The following SLC66A2 variants were observed in gnomAD, a reference collection of about 807,000 sequenced individuals.
The protein encoded by SLC66A2 is solute carrier family 66 member 2, also known as PQ loop repeat containing 1.
In SLC66A2, 23 loss-of-function variants were observed where a neutral mutation model predicts 25.5. That is an observed-to-expected ratio of 0.90 (90% CI 0.65 to 1.28). The LOEUF (loss-of-function observed/expected upper bound fraction) is 1.28. Among genes scored for constraint, SLC66A2 ranks in the 50% most tolerant of loss-of-function variants. The pLI, the probability that SLC66A2 is intolerant of heterozygous loss-of-function variation, is 0.00. For missense variants in SLC66A2, 396 were observed against 373.1 expected (o/e 1.06, Z -0.51); for synonymous variants, 193 against 166.5 (o/e 1.16, Z -1.23).
intron 5 of SLC66A2, among the ~76,000 whole-genome samples, chr18:79,910,342 TTCCCCACCACCTCACCAGAGTCC>T (rs1982907344): frequency 1.5e-5 from 1 of 67,746 alleles, no homozygotes; most frequent in East Asian, 5.0e-4. Flanking sequence ...GTCCCCAACC[TTCCCCACCACCTCACCAGAGTCC>T]CCAACCTTCC....
intron 2 of SLC66A2, chr18:79,949,882 C>A (rs548025011): frequency 6.6e-6 from 1 of 152,332 alleles, no homozygotes; most frequent in South Asian, 2.1e-4. Flanking sequence ...CGTTTTTGGC[C>A]TTAGAATGCA....
intron 5 of SLC66A2, among the ~76,000 whole-genome samples, chr18:79,916,557 C>G (rs1383652627): frequency 6.6e-6 from 1 of 152,246 alleles, no homozygotes; most frequent in Non-Finnish European, 1.5e-5. Flanking sequence ...CATTTCAACA[C>G]CATTGTCCAT....
In SLC66A2 at chr18:79,918,882, C is replaced by T. The variant is rs1048566893; in HGVS notation, c.608+302G>A. Among the ~76,000 whole-genome samples, 2 of 152,222 alleles carry T rather than the reference C, an allele frequency of 1.3e-5. No individual in the cohort carries two copies. The highest frequency in any genetic ancestry group is 6.5e-5 in the Admixed American group (1 of 15,284). ...TGGTTGCCCTGCACTCCTCCTGCCC[C>T]GTCTGGCCAGGCACTCGGACATCCC... On this transcript the variant is annotated intron_variant, in intron 5 of 5. Transcript: ENST00000397778. This position sits in a 1 kb window ranked among gnomAD's most constrained non-coding sequence, Gnocchi z 4.0.
At position 79,904,330 on chromosome 18, in the gene SLC66A2, A is replaced by T; in HGVS notation, c.609-147T>A. Reference sequence around the variant, plus strand: ...GGGGACCCCCAGGCAGTCGGCGGGGAGGCCTGGGGCTCAGGGGGCACCCAG... The same window carrying T: ...GGGGACCCCCAGGCAGTCGGCGGGGTGGCCTGGGGCTCAGGGGGCACCCAG... On this transcript the variant is annotated intron_variant, in intron 5 of 5. Transcript: ENST00000397778. This position sits in a 1 kb window ranked among gnomAD's most constrained non-coding sequence, Gnocchi z 6.3. 2.8e-6 allele frequency: 2 copies of T among 720,856 alleles called. No homozygotes were observed. The highest frequency in any genetic ancestry group is 4.8e-6 in the Non-Finnish European group (2 of 418,256). The allele number at this position is 720,856 out of a possible 1,614,324, so 44.7% of individuals were successfully genotyped here.
Position 79,937,953 on chromosome 18 carries a change from G to C in SLC66A2, c.338-3931C>G, listed in dbSNP as rs1409408687. Among the ~76,000 whole-genome samples the C allele has an allele frequency of 6.6e-6, 1 of 152,110 alleles. No individual in the cohort carries two copies. Among genetic ancestry groups the C allele is most frequent in the Non-Finnish European group, 1.5e-5 (1 of 68,008 alleles). ...CACGGGCAAAGTTGAGAGGAGCTAA[G>C]GGAGAACCCACGGATTTTTAAACAA... On this transcript the variant is annotated intron_variant, in intron 3 of 5. Coordinates refer to ENST00000397778, the MANE Select transcript of SLC66A2 (RefSeq NM_025078.5). This position sits in a 1 kb window ranked among gnomAD's most constrained non-coding sequence, Gnocchi z 5.4.
chr18:79,907,395 A>T (rs1422321626), intron 5 of SLC66A2, among the ~76,000 whole-genome samples: 3 of 120,114 alleles, frequency 2.5e-5, no homozygotes, highest in Non-Finnish European at 4.8e-5. Context: ...TCTGTCACCC[A>T]GGCTGGAGTG....
At position 79,950,718 on chromosome 18, in the gene SLC66A2, A is replaced by G. The variant is rs2051089138; in HGVS notation, c.203+6T>C. The G allele has an allele frequency of 1.2e-6, 2 of 1,612,720 alleles. No homozygotes were observed. The highest frequency in any genetic ancestry group is 2.2e-5 in the East Asian group (1 of 44,886). ...TGCAGCCCAGGAAAGCAAGCCCCCA[A>G]CTTACCAGAAGAGTATCCGCAAAAT... On this transcript the variant is annotated splice_donor_region_variant and intron_variant, in intron 2 of 5. Coordinates refer to ENST00000397778, the MANE Select transcript of SLC66A2 (RefSeq NM_025078.5).
chr18:79,907,336 T>TTG (rs1982267271), intron 5 of SLC66A2, among the ~76,000 whole-genome samples: 2 of 135,404 alleles, frequency 1.5e-5, no homozygotes, highest in Non-Finnish European at 3.1e-5. Context: ...TTTGTATAGT[T>TTG]TTTTTTTTTT....
chr18:79,950,472 G>C (rs2051080212), intron 2 of SLC66A2, among the ~76,000 whole-genome samples: 1 of 152,258 alleles, frequency 6.6e-6, no homozygotes, highest in Non-Finnish European at 1.5e-5. Flanking sequence ...TACCCATGTG[G>C]AACATCATGC....
intron 3 of SLC66A2, among the ~76,000 whole-genome samples, 172 bp downstream of exon 3, chr18:79,943,157 C>A (rs1307863074): frequency 6.6e-6 from 1 of 152,194 alleles, no homozygotes; most frequent in Non-Finnish European, 1.5e-5. Flanking sequence ...AGTCATAAAC[C>A]GTTTAACTGA....
At position 79,943,371 on chromosome 18, in the gene SLC66A2, G is replaced by A. The variant is rs746522366; in HGVS notation, c.295C>T (p.Arg99Cys). The part of the protein sequence containing the change: ...LLMLKLCTEV[R>C]VANELNARRR... ...CTGGCGTTGAGCTCGTTGGCCACAC[G>A]GACCTCGGTGCACAGCTTCAGCATC... The change falls in exon 3 of 6, where the codon CGT (arginine) becomes TGT (cysteine). Residue 99 changes from arginine to cysteine, a missense_variant. Transcript: ENST00000397778. 18 of 1,613,992 alleles carry A rather than the reference G, an allele frequency of 1.1e-5. No homozygotes were observed. The highest frequency in any genetic ancestry group is 2.2e-5 in the East Asian group (1 of 44,878).
intron 2 of SLC66A2, among the ~76,000 whole-genome samples, chr18:79,948,525 G>T (rs2051009386): frequency 6.6e-6 from 1 of 152,120 alleles, no homozygotes; most frequent in African/African-American, 2.4e-5. Context: ...ATTTTTTGTA[G>T]AGACGGTGTC....
Position 79,918,501 on chromosome 18 carries a change from C to T in SLC66A2, c.608+683G>A, listed in dbSNP as rs1035978376. 2.0e-5 allele frequency among the ~76,000 whole-genome samples: 3 copies of T among 151,600 alleles called. No homozygotes were observed. Among genetic ancestry groups the T allele is most frequent in the African/African-American group, 4.8e-5 (2 of 41,260 alleles). ...GCACCGGGGGGTCCCCAGTGAGGAG[C>T]GGGCCTGGGGGTCGAAAGTGTGAGG... On this transcript the variant is annotated intron_variant, in intron 5 of 5. Transcript: ENST00000397778. This position sits in a 1 kb window ranked among gnomAD's most constrained non-coding sequence, Gnocchi z 4.0.
intron 5 of SLC66A2, among the ~76,000 whole-genome samples, chr18:79,906,457 GTTTGC>G (rs1407726480): frequency 1.4e-4 from 21 of 152,110 alleles, no homozygotes; most frequent in Non-Finnish European, 2.1e-4. Flanking sequence ...ATTTTCAATA[GTTTGC>G]TTTGCAATAT....
intron 5 of SLC66A2, among the ~76,000 whole-genome samples, chr18:79,912,063 G>A (rs1983267427): frequency 7.0e-6 from 1 of 142,764 alleles, no homozygotes; most frequent in African/African-American, 2.6e-5. Context: ...GTAGCAGGAG[G>A]GGATGGCAGC....
At chr18:79,929,751 G>A (rs1174730406) in intron 4 of SLC66A2, among the ~76,000 whole-genome samples, 1 of 151,838 alleles carries the variant, frequency 6.6e-6, no homozygotes, top group Non-Finnish European at 1.5e-5. Flanking sequence ...TCAATAAAGA[G>A]ACAGAAATTC....
chr18:79,914,679 A>G (rs923082981), intron 5 of SLC66A2, among the ~76,000 whole-genome samples: 2 of 152,236 alleles, frequency 1.3e-5, no homozygotes, highest in Admixed American at 6.5e-5. Flanking sequence ...AAGACCACAC[A>G]GCAAGGGGGG....
At chr18:79,908,571 G>A (rs1261474520) in intron 5 of SLC66A2, among the ~76,000 whole-genome samples, 2 of 152,118 alleles carry the variant, frequency 1.3e-5, no homozygotes, top group African/African-American at 4.8e-5. Flanking sequence ...AATTTTGGGT[G>A]TTTTCAGCCC....
chr18:79,909,013 T>A (rs894438024), intron 5 of SLC66A2, among the ~76,000 whole-genome samples: 2 of 152,242 alleles, frequency 1.3e-5, no homozygotes, highest in African/African-American at 4.8e-5. Context: ...CGTTGGCAGC[T>A]GAGAAACTCA....
Sources: gnomAD v4.1 joint callset for allele counts (sites outside exome capture counted in the v4.1 genomes callset) on GRCh38, gnomAD v4.1.1 for gene constraint, Gnocchi (gnomAD v3.1) non-coding constraint, MANE v1.5 for transcripts, NCBI Gene and HGNC (gene_info 2026-07-23, HGNC 2026-07-21) for gene names.